The following TNIK variants were observed in gnomAD, a reference collection of about 807,000 sequenced individuals.
TNIK encodes the protein TRAF2 and NCK-interacting protein kinase.
TNIK carries 49 observed loss-of-function variants against 191.3 expected under a neutral mutation model. That is an observed-to-expected ratio of 0.26 (90% confidence interval 0.20 to 0.32). The LOEUF (loss-of-function observed/expected upper bound fraction) is 0.32, where lower values mean the gene tolerates loss of function less well. TNIK is among the 10% of genes least tolerant of loss of function. The probability of loss-of-function intolerance (pLI) is 1.00; values close to 1 mark genes in which losing one functional copy is unlikely to be tolerated. For synonymous variants in TNIK, 594 were observed against 600.9 expected (o/e 0.99, Z 0.17); for missense variants, 1,155 against 1,702.3 (o/e 0.68, Z 5.66).
chr3:171,399,260 T>G (rs1325609358), intron 1 of TNIK, among the ~76,000 whole-genome samples: 1 of 152,198 alleles, frequency 6.6e-6, no homozygotes, highest in Admixed American at 6.5e-5. Context: ...AATGCTTTGA[T>G]GCCTCCTTCT....
intron 2 of TNIK, among the ~76,000 whole-genome samples, chr3:171,289,042 A>G (rs1170313269): frequency 1.3e-5 from 2 of 152,228 alleles, no homozygotes; most frequent in Non-Finnish European, 1.5e-5. Flanking sequence ...ATTATAATGT[A>G]TATGTTCTCA....
chr3:171,408,999 T>C (rs939748186), intron 1 of TNIK, among the ~76,000 whole-genome samples: 2 of 152,090 alleles, frequency 1.3e-5, no homozygotes, highest in Admixed American at 6.5e-5. Context: ...CTATAAAGCA[T>C]AGTTCAGCCC....
At chr3:171,155,032 A>G (rs1732981055) in intron 12 of TNIK, among the ~76,000 whole-genome samples, 1 of 152,222 alleles carries the variant, frequency 6.6e-6, no homozygotes, top group South Asian at 2.1e-4. Context: ...CTCTGGTGGG[A>G]GGTGACATTT....
chr3:171,183,357 C>A (rs1736907471), intron 7 of TNIK, among the ~76,000 whole-genome samples: 1 of 152,148 alleles, frequency 6.6e-6, no homozygotes, highest in African/African-American at 2.4e-5. Context: ...AGTTGACAGA[C>A]AATAGCTTAA....
intron 2 of TNIK, among the ~76,000 whole-genome samples, chr3:171,337,306 G>C (rs1428488796): frequency 6.6e-6 from 1 of 152,236 alleles, no homozygotes; most frequent in Non-Finnish European, 1.5e-5. Context: ...AGAATGGAGT[G>C]ATAGTCTGTG....
chr3:171,376,852 A>G (rs1470386447), intron 1 of TNIK, among the ~76,000 whole-genome samples: 1 of 152,178 alleles, frequency 6.6e-6, no homozygotes, highest in African/African-American at 2.4e-5. Flanking sequence ...TTACTTGATC[A>G]TCAGTGTAGG....
At position 171,368,259 on chromosome 3, in the gene TNIK, C is replaced by T. The variant is rs538992950; in HGVS notation, c.123+1361G>A. Among the ~76,000 whole-genome samples the T allele has an allele frequency of 9.9e-5, 15 of 152,242 alleles. 1 individual carries two copies. The South Asian group carries it at 2.3e-3, about 23-fold the overall frequency. On this transcript the variant is annotated intron_variant, in intron 2 of 32. Transcript: ENST00000436636. ...AACGGAAAGGCTCTAAGAAATGGCA[C>T]CATAAAACCAACAGCATGCTACAGA... is the stretch of plus-strand genomic sequence containing the variant.
chr3:171,152,858 G>A (rs1296841839), intron 12 of TNIK, among the ~76,000 whole-genome samples: 9 of 151,016 alleles, frequency 6.0e-5, no homozygotes, highest in Admixed American at 4.6e-4. Flanking sequence ...TGCAAACTCC[G>A]CCTCCCGGGT....
At chr3:171,171,009 A>C (rs1735211103) in intron 9 of TNIK, among the ~76,000 whole-genome samples, 1 of 152,122 alleles carries the variant, frequency 6.6e-6, no homozygotes, top group South Asian at 2.1e-4. Context: ...CTATGATTGC[A>C]CCACTGTACA....
intron 12 of TNIK, among the ~76,000 whole-genome samples, chr3:171,145,080 A>C (rs1389624387): frequency 1.6e-5 from 2 of 126,176 alleles, no homozygotes; most frequent in African/African-American, 3.5e-5. Flanking sequence ...GAGCACAGCT[A>C]TCTCTCTCTT....
intron 12 of TNIK, among the ~76,000 whole-genome samples, chr3:171,154,044 T>C (rs753332535): frequency 2.6e-5 from 4 of 152,172 alleles, no homozygotes; most frequent in Non-Finnish European, 4.4e-5. Context: ...AATGATGACC[T>C]ACAGACCCCA....
At chr3:171,226,060 T>A (rs1742924767) in intron 3 of TNIK, among the ~76,000 whole-genome samples, 1 of 152,222 alleles carries the variant, frequency 6.6e-6, no homozygotes, top group African/African-American at 2.4e-5. Flanking sequence ...GGTTTCTATG[T>A]AGAGACTGAT....
intron 13 of TNIK, among the ~76,000 whole-genome samples, chr3:171,139,786 G>A (rs761047608): frequency 5.3e-5 from 8 of 152,136 alleles, no homozygotes; most frequent in East Asian, 1.9e-4. Context: ...GCGATGTCTC[G>A]GCATTTTACT....
intron 28 of TNIK, among the ~76,000 whole-genome samples, chr3:171,076,999 T>C (rs1300858968): frequency 1.3e-5 from 2 of 152,056 alleles, no homozygotes; most frequent in Non-Finnish European, 2.9e-5. Context: ...GTTAAATCAA[T>C]ATTGAGTGTT....
chr3:171,459,600 T>C (rs1055034807), intron 1 of TNIK, among the ~76,000 whole-genome samples: 1 of 151,782 alleles, frequency 6.6e-6, no homozygotes, highest in Non-Finnish European at 1.5e-5. Flanking sequence ...AGTGCCTTTA[T>C]TCACGCTGGC....
chr3:171,347,416 C>T (rs1426380874), intron 2 of TNIK, among the ~76,000 whole-genome samples: 2 of 148,552 alleles, frequency 1.3e-5, no homozygotes, highest in African/African-American at 4.9e-5. Flanking sequence ...CACACACACA[C>T]ACACAAGTAA....
chr3:171,291,648 C>T (rs1365537648), intron 2 of TNIK, among the ~76,000 whole-genome samples: 3 of 152,114 alleles, frequency 2.0e-5, no homozygotes, highest in East Asian at 1.9e-4. Flanking sequence ...GTGCCATTCT[C>T]CTCTGACTGC....
At chr3:171,209,683 T>C (rs1740545324) in intron 4 of TNIK, among the ~76,000 whole-genome samples, 1 of 152,168 alleles carries the variant, frequency 6.6e-6, no homozygotes, top group South Asian at 2.1e-4. Context: ...ATATAAACTA[T>C]ATAAAATGTG....
At chr3:171,347,277 CATAG>C (rs1712376758) in intron 2 of TNIK, 1 of 1,490,714 alleles carries the variant, frequency 6.7e-7, no homozygotes, top group Admixed American at 2.1e-5. Flanking sequence ...GCACCAAACA[CATAG>C]AGCACACTCT....
Sources: allele counts gnomAD v4.1 joint callset (sites outside exome capture counted in the v4.1 genomes callset), GRCh38; gene constraint gnomAD v4.1.1; transcripts MANE v1.5; gene names NCBI Gene and HGNC (gene_info 2026-07-23, HGNC 2026-07-21).